PPP6R3: variants seen among roughly 807,000 people sequenced by gnomAD.
The protein encoded by PPP6R3 is protein phosphatase 6 regulatory subunit 3, also known as serine/threonine-protein phosphatase 6 regulatory subunit 3.
A neutral mutation model predicts 110.7 loss-of-function variants in PPP6R3; 38 were observed. The observed-to-expected ratio is 0.34, with a 90% confidence interval of 0.26 to 0.45. The LOEUF (loss-of-function observed/expected upper bound fraction) is 0.45. PPP6R3 is among the 20% of genes least tolerant of loss of function. The pLI, the probability that PPP6R3 is intolerant of heterozygous loss-of-function variation, is 1.00. For missense variants in PPP6R3, 870 were observed against 1,062.4 expected, an observed-to-expected ratio of 0.82 and a Z score of 2.52; for synonymous variants, 369 against 373.5, an observed-to-expected ratio of 0.99 and a Z score of 0.14.
At chr11:68,609,488 C>T in intron 22 of PPP6R3, 1 of 1,113,176 alleles carries the variant, frequency 9.0e-7, no homozygotes, top group South Asian at 1.3e-5. Flanking sequence ...TTGACACCTT[C>T]ACCGAGTCTG....
chr11:68,612,759 A>G (rs993893120), intron 23 of PPP6R3: 2 of 368,882 alleles, frequency 5.4e-6, no homozygotes, highest in Non-Finnish European at 1.0e-5. Flanking sequence ...GCCACAGTTT[A>G]TACCCCACTG....
chr11:68,471,004 C>T (rs2098787275), intron 1 of PPP6R3, among the ~76,000 whole-genome samples: 2 of 151,886 alleles, frequency 1.3e-5, no homozygotes, highest in South Asian at 4.2e-4. Context: ...GTCTTTGGGC[C>T]GGGCGCGGTG....
intron 5 of PPP6R3, among the ~76,000 whole-genome samples, chr11:68,548,823 TA>T (rs2099359378): frequency 6.6e-6 from 1 of 152,040 alleles, no homozygotes; most frequent in South Asian, 2.1e-4. Context: ...AGGGTGTGAG[TA>T]ACTTGAAAAT....
intron 1 of PPP6R3, among the ~76,000 whole-genome samples, chr11:68,503,094 C>G (rs546610853): frequency 6.6e-6 from 1 of 151,334 alleles, no homozygotes; most frequent in Non-Finnish European, 1.5e-5. Context: ...CAGGCGCACA[C>G]CACCACGCCT....
At chr11:68,509,910 C>T (rs1001217599) in intron 1 of PPP6R3, among the ~76,000 whole-genome samples, 8 of 151,028 alleles carry the variant, frequency 5.3e-5, no homozygotes, top group African/African-American at 9.7e-5. Context: ...CCACCACACT[C>T]GGCAAATTTT....
At chr11:68,523,533 A>G (rs1592501649) in intron 2 of PPP6R3, among the ~76,000 whole-genome samples, 1 of 150,094 alleles carries the variant, frequency 6.7e-6, no homozygotes, top group East Asian at 2.0e-4. Flanking sequence ...CCTCCTCCCC[A>G]CCCACCACTA....
chr11:68,476,449 C>T (rs988740740), intron 1 of PPP6R3, among the ~76,000 whole-genome samples: 46 of 17,732 alleles, frequency 2.6e-3, no homozygotes, highest in African/African-American at 5.8e-3. Context: ...AGAGGGAGAC[C>T]GTGGGGAGAG....
intron 2 of PPP6R3, among the ~76,000 whole-genome samples, chr11:68,523,268 T>A (rs2099173256): frequency 6.6e-6 from 1 of 152,214 alleles, no homozygotes; most frequent in African/African-American, 2.4e-5. Flanking sequence ...GCCTCATGCC[T>A]TCCTCTGTAC....
chr11:68,545,394 T>C (rs1431293304), intron 4 of PPP6R3, among the ~76,000 whole-genome samples: 1 of 152,214 alleles, frequency 6.6e-6, no homozygotes, highest in African/African-American at 2.4e-5. Context: ...TTTCCCCCAT[T>C]GATGATCAGA....
At chr11:68,587,849 TG>T in intron 15 of PPP6R3, 77 bp from the exon 16 acceptor site, 1 of 1,213,536 alleles carries the variant, frequency 8.2e-7, no homozygotes, top group Non-Finnish European at 1.2e-6. Context: ...AGATGATTTC[TG>T]GAACACAAAT....
At chr11:68,528,434 G>T (rs971463538) in intron 2 of PPP6R3, among the ~76,000 whole-genome samples, 1 of 10,184 alleles carries the variant, frequency 9.8e-5, no homozygotes, top group African/African-American at 3.5e-4. Context: ...TTGTGTGTGT[G>T]GGGGGGGGGG....
At chr11:68,523,361 A>G (rs1428161756) in intron 2 of PPP6R3, among the ~76,000 whole-genome samples, 1 of 151,860 alleles carries the variant, frequency 6.6e-6, no homozygotes, top group Non-Finnish European at 1.5e-5. Context: ...GATGTCTCGT[A>G]TTTCTGGTTT....
intron 1 of PPP6R3, among the ~76,000 whole-genome samples, chr11:68,498,920 A>G (rs550060858): frequency 1.3e-5 from 2 of 152,342 alleles, no homozygotes; most frequent in South Asian, 4.1e-4. Flanking sequence ...TTAGGCTTCC[A>G]TCAGCAGTGT....
intron 1 of PPP6R3, among the ~76,000 whole-genome samples, chr11:68,501,441 C>T (rs1263752948): frequency 6.6e-6 from 1 of 152,228 alleles, no homozygotes; most frequent in Non-Finnish European, 1.5e-5. Context: ...ATTCTCGTGC[C>T]TCAGCCCCCT....
At chr11:68,536,263 T>C (rs778135900) in intron 2 of PPP6R3, among the ~76,000 whole-genome samples, 2 of 151,336 alleles carry the variant, frequency 1.3e-5, no homozygotes, top group African/African-American at 4.9e-5. Context: ...AGTGGGTGGG[T>C]TTTTTTTGTT....
chr11:68,511,070 C>CTT (rs59968909), intron 1 of PPP6R3, among the ~76,000 whole-genome samples: 8,238 of 143,738 alleles, frequency 0.057, 269 homozygotes, highest in Middle Eastern at 0.12. Flanking sequence ...ACCATGCATA[C>CTT]TTTTTTTTTT....
chr11:68,510,145 A>G (rs935468075), intron 1 of PPP6R3, among the ~76,000 whole-genome samples: 7 of 134,464 alleles, frequency 5.2e-5, no homozygotes, highest in African/African-American at 2.0e-4. Flanking sequence ...AGCTCAAGTG[A>G]TTGGCCCACC....
chr11:68,589,657 C>G (rs2099589399), intron 16 of PPP6R3, among the ~76,000 whole-genome samples: 2 of 152,226 alleles, frequency 1.3e-5, no homozygotes, highest in Admixed American at 1.3e-4. Flanking sequence ...ATGCCACAGA[C>G]ACCCAGTATC....
chr11:68,590,992 A>C (rs2156462), intron 17 of PPP6R3, among the ~76,000 whole-genome samples: 121 of 152,090 alleles, frequency 8.0e-4, no homozygotes, highest in African/African-American at 2.9e-3. Context: ...TTTGACACCA[A>C]CCCACTGCCT....
Sources: allele counts gnomAD v4.1 joint callset (sites outside exome capture counted in the v4.1 genomes callset), GRCh38; gene constraint gnomAD v4.1.1; transcripts MANE v1.5; gene names NCBI Gene and HGNC (gene_info 2026-07-23, HGNC 2026-07-21).